SHC3: variants seen among roughly 807,000 people sequenced by gnomAD.
SHC3 encodes SHC-transforming protein 3.
SHC3 carries 15 observed loss-of-function variants against 60.4 expected under a neutral mutation model. The ratio of observed to expected loss-of-function variants is 0.25; its 90% CI spans 0.17 to 0.38. The LOEUF is 0.38. Ranked by LOEUF, SHC3 falls within the 10% of genes least tolerant of loss-of-function variation. The probability of loss-of-function intolerance (pLI) is 1.00; values close to 1 mark genes in which losing one functional copy is unlikely to be tolerated. For missense variants in SHC3, 677 were observed against 786.1 expected (o/e 0.86, Z 1.66); for synonymous variants, 294 against 325.9 (o/e 0.90, Z 1.05).
At chr9:89,156,933 T>A (rs1171425260) in intron 1 of SHC3, among the ~76,000 whole-genome samples, 1 of 152,120 alleles carries the variant, frequency 6.6e-6, no homozygotes, top group Admixed American at 6.5e-5. Flanking sequence ...AGATGTCCTG[T>A]CTTTTTAAGT....
intron 11 of SHC3, among the ~76,000 whole-genome samples, chr9:89,022,033 C>T (rs1826209954): frequency 6.6e-6 from 1 of 152,024 alleles, no homozygotes; most frequent in South Asian, 2.1e-4. Context: ...TCCTTTGTAG[C>T]GAACAAAGGC....
intron 6 of SHC3, among the ~76,000 whole-genome samples, chr9:89,059,568 C>G (rs72498543): frequency 7.5e-6 from 1 of 132,942 alleles, no homozygotes; most frequent in Non-Finnish European, 1.6e-5. Flanking sequence ...TGGTGGAGGA[C>G]GTGGTGGAGG....
chr9:89,131,904 G>T (rs1313322575), intron 1 of SHC3, among the ~76,000 whole-genome samples: 1 of 152,040 alleles, frequency 6.6e-6, no homozygotes, highest in East Asian at 1.9e-4. Flanking sequence ...GGAAGTTCTG[G>T]CCAGGGCAAT....
intron 1 of SHC3, among the ~76,000 whole-genome samples, chr9:89,164,467 C>G (rs1283252245): frequency 6.6e-6 from 1 of 151,936 alleles, no homozygotes; most frequent in East Asian, 1.9e-4. Flanking sequence ...CAAGTTTCTC[C>G]ATATGGTTGG....
intron 1 of SHC3, among the ~76,000 whole-genome samples, chr9:89,141,501 C>G (rs1826392966): frequency 6.6e-6 from 1 of 152,192 alleles, no homozygotes; most frequent in East Asian, 1.9e-4. Context: ...GGCCAGAAGT[C>G]TGACTGGTAA....
chr9:89,083,925 G>T (rs1825486610), intron 2 of SHC3, among the ~76,000 whole-genome samples: 1 of 152,130 alleles, frequency 6.6e-6, no homozygotes, highest in South Asian at 2.1e-4. Context: ...AGGGCAGAGG[G>T]ACACAGAACC....
intron 1 of SHC3, among the ~76,000 whole-genome samples, chr9:89,143,423 C>A (rs565447864): frequency 1.3e-5 from 2 of 152,216 alleles, no homozygotes; most frequent in South Asian, 4.2e-4. Context: ...CCTATCTCAT[C>A]CTGTGACTTA....
At chr9:89,113,770 C>A (rs1825983997) in intron 1 of SHC3, among the ~76,000 whole-genome samples, 1 of 152,170 alleles carries the variant, frequency 6.6e-6, no homozygotes, top group African/African-American at 2.4e-5. Flanking sequence ...TACTTGAATA[C>A]CTCAACCACT....
intron 6 of SHC3, among the ~76,000 whole-genome samples, chr9:89,055,089 G>A (rs140949807): frequency 1.0e-3 from 160 of 152,386 alleles, no homozygotes; most frequent in Non-Finnish European, 2.8e-4. Context: ...TAGTCACACT[G>A]TAGTAGCTGG....
chr9:89,106,073 A>G (rs1242042745), intron 2 of SHC3, among the ~76,000 whole-genome samples: 1 of 152,154 alleles, frequency 6.6e-6, no homozygotes, highest in Non-Finnish European at 1.5e-5. Context: ...ACAAGCCTCG[A>G]AGCAGGGGTG....
intron 11 of SHC3, among the ~76,000 whole-genome samples, chr9:89,025,185 T>C (rs1388029703): frequency 7.3e-6 from 1 of 136,478 alleles, no homozygotes; most frequent in African/African-American, 2.8e-5. Flanking sequence ...TGAGTTATCC[T>C]GGAACAGGTC....
chr9:89,103,179 A>G (rs1373808670), intron 2 of SHC3, among the ~76,000 whole-genome samples: 1 of 152,222 alleles, frequency 6.6e-6, no homozygotes, highest in Non-Finnish European at 1.5e-5. Context: ...AGGGAGTCAT[A>G]TGTTTGAGGC....
At chr9:89,102,122 G>A (rs1334321325) in intron 2 of SHC3, among the ~76,000 whole-genome samples, 7 of 151,856 alleles carry the variant, frequency 4.6e-5, no homozygotes, top group African/African-American at 1.7e-4. Context: ...TTAACCTAAT[G>A]CCCCTTATTA....
chr9:89,153,587 T>C (rs188797074), intron 1 of SHC3, among the ~76,000 whole-genome samples: 8 of 152,342 alleles, frequency 5.3e-5, no homozygotes, highest in Non-Finnish European at 1.2e-4. Flanking sequence ...GAACCCTCAT[T>C]TGGGCCAGGG....
chr9:89,159,704 C>T (rs554342396), intron 1 of SHC3, among the ~76,000 whole-genome samples: 222 of 152,204 alleles, frequency 1.5e-3, no homozygotes, highest in African/African-American at 5.1e-3. Flanking sequence ...AACTTGGAGT[C>T]GGATATTCGT....
chr9:89,168,522 C>T (rs932597327), intron 1 of SHC3, among the ~76,000 whole-genome samples: 6 of 152,188 alleles, frequency 3.9e-5, no homozygotes, highest in Admixed American at 2.6e-4. Context: ...ATCTGAGACT[C>T]TTTCAGGCAA....
Position 89,012,800 on chromosome 9 carries a change from G to A in SHC3, c.*647C>T, listed in dbSNP as rs372693930. ...CTCAGCAGGACCCGGAGAAGCTGGA[G>A]TGCCACCTGTTCTTTAGTGAAGCTG... On this transcript the variant is annotated 3_prime_UTR_variant, in exon 12 of 12. Coordinates refer to ENST00000375835, the MANE Select transcript of SHC3 (RefSeq NM_016848.6). 15 of 152,332 alleles carry A rather than the reference G, an allele frequency of 9.8e-5. No individual in the cohort carries two copies. The highest frequency in any genetic ancestry group is 3.4e-4 in the African/African-American group (14 of 41,572). 9.4% of individuals were successfully genotyped at this position (152,332 alleles called of 1,614,324 possible).
At chr9:89,074,691 C>CAAAAAAAAAAAAAAAAAAAAAAAAAA (rs68051828) in intron 4 of SHC3, among the ~76,000 whole-genome samples, 1 of 59,926 alleles carries the variant, frequency 1.7e-5, no homozygotes, top group Non-Finnish European at 2.9e-5. Flanking sequence ...GCCACTAAAG[C>CAAAAAAAAAAAAAAAAAAAAAAAAAA]AAAAAAAAAA....
In SHC3 at chr9:89,011,291, A is replaced by G. The variant is rs1826010851; in HGVS notation, c.*2156T>C. On this transcript the variant is annotated 3_prime_UTR_variant, in exon 12 of 12. Transcript: ENST00000375835. ...TCACAGCAAGAGCTACTAAAGCTGCAGGTTACCATTCAAGTCCCCCCAAGA... is the reference window on the plus strand; with the variant it reads ...TCACAGCAAGAGCTACTAAAGCTGCGGGTTACCATTCAAGTCCCCCCAAGA... 1 of 152,240 alleles carries G rather than the reference A, an allele frequency of 6.6e-6. No individual in the cohort carries two copies. Among genetic ancestry groups the G allele is most frequent in the African/African-American group, 2.4e-5 (1 of 41,472 alleles). 9.4% of individuals were successfully genotyped at this position (152,240 alleles called of 1,614,324 possible).
Sources: allele counts gnomAD v4.1 joint callset (sites outside exome capture counted in the v4.1 genomes callset), GRCh38; gene constraint gnomAD v4.1.1; transcripts MANE v1.5; gene names NCBI Gene and HGNC (gene_info 2026-07-23, HGNC 2026-07-21).